The following ZNF516 variants were observed in gnomAD, a reference collection of about 807,000 sequenced individuals.
ZNF516 encodes the protein zinc finger protein 516.
In ZNF516, 19 loss-of-function variants were observed where a neutral mutation model predicts 79.7. The observed-to-expected ratio is 0.24, with a 90% CI of 0.17 to 0.35. ZNF516 has a LOEUF of 0.35. Among genes scored for constraint, ZNF516 ranks in the 10% least tolerant of loss-of-function variants. The probability of loss-of-function intolerance (pLI) is 1.00; values close to 1 mark genes in which losing one functional copy is unlikely to be tolerated. For synonymous variants in ZNF516, 877 were observed against 739.5 expected, an observed-to-expected ratio of 1.19 and a Z score of -3.02; for missense variants, 1,678 against 1,679.5, an observed-to-expected ratio of 1.00 and a Z score of 0.02.
At chr18:76,494,565 AAAC>A (rs2145853713) in intron 1 of ZNF516, among the ~76,000 whole-genome samples, 1 of 150,082 alleles carries the variant, frequency 6.7e-6, no homozygotes, top group African/African-American at 2.5e-5. Context: ...GGGCCGTAAA[AAAC>A]AAGGCCACCC....
rs1176065545 is a variant in ZNF516 at position 76,359,772 on chromosome 18, G to A, written c.*2726C>T. The A allele has an allele frequency of 1.3e-5, 2 of 152,134 alleles. No individual in the cohort carries two copies. The highest frequency in any genetic ancestry group is 2.4e-5 in the African/African-American group (1 of 41,438). 9.4% of individuals were successfully genotyped at this position (152,134 alleles called of 1,614,324 possible). A position where few individuals can be genotyped will look rare whatever the true frequency, so the allele number is the denominator to read the frequency against. On this transcript the variant is annotated 3_prime_UTR_variant, in exon 7 of 7. Transcript: ENST00000443185. ...AGCAGATCGGGAGAGGTAGTAGAAA[G>A]TCTGTAACAGTCAGAAGACAACGTA...
intron 1 of ZNF516, among the ~76,000 whole-genome samples, chr18:76,482,432 T>G (rs548362688): frequency 1.3e-5 from 2 of 152,370 alleles, no homozygotes; most frequent in East Asian, 3.9e-4. Flanking sequence ...AGCAGTGAGC[T>G]GCTCCCTCCA....
chr18:76,369,782 A>T (rs1311087739), intron 6 of ZNF516, among the ~76,000 whole-genome samples: 1 of 152,220 alleles, frequency 6.6e-6, no homozygotes, highest in East Asian at 1.9e-4. Flanking sequence ...CTTTGGAGAA[A>T]GCCAGAATGT....
intron 2 of ZNF516, among the ~76,000 whole-genome samples, chr18:76,448,804 A>C (rs1912222041): frequency 6.6e-6 from 1 of 152,068 alleles, no homozygotes; most frequent in Non-Finnish European, 1.5e-5. Flanking sequence ...CAAAAAAAGC[A>C]CCCGGCTTCA....
chr18:76,418,425 TCA>T (rs572667556), intron 3 of ZNF516, among the ~76,000 whole-genome samples: 61 of 152,140 alleles, frequency 4.0e-4, no homozygotes, highest in African/African-American at 1.4e-3. Context: ...TAACATGCTG[TCA>T]CACACTAACA....
intron 3 of ZNF516, chr18:76,387,330 T>A (rs896278949): frequency 6.6e-6 from 1 of 152,236 alleles, no homozygotes; most frequent in African/African-American, 2.4e-5. Context: ...TACACCCGCT[T>A]TGCTTTTCCA....
At chr18:76,412,733 T>C (rs1252913038) in intron 3 of ZNF516, among the ~76,000 whole-genome samples, 1 of 152,246 alleles carries the variant, frequency 6.6e-6, no homozygotes, top group African/African-American at 2.4e-5. Flanking sequence ...AGGCAGCTCC[T>C]GGACTCTTTT....
chr18:76,360,641 AAAAAAATATAT>A lies in ZNF516; in HGVS notation c.*1846_*1856del, dbSNP rs2074517177. The stretch of plus-strand genomic sequence containing the variant: ...ATCAGAAAAAAATAAGTAAAAAAAA[AAAAAAATATAT>A]ATATATATATATATATATATATATA... On this transcript the variant is annotated 3_prime_UTR_variant, in exon 7 of 7. Transcript: ENST00000443185. The A allele has an allele frequency of 8.8e-6, 1 of 113,668 alleles. No individual in the cohort carries two copies. The highest frequency in any genetic ancestry group is 1.9e-5 in the Non-Finnish European group (1 of 52,852). The allele number at this position is 113,668 out of a possible 1,614,324, so 7.0% of individuals were successfully genotyped here. A position where few individuals can be genotyped will look rare whatever the true frequency, so the allele number is the denominator to read the frequency against.
intron 2 of ZNF516, among the ~76,000 whole-genome samples, chr18:76,458,541 T>A (rs1912872285): frequency 6.6e-6 from 1 of 152,210 alleles, no homozygotes. Context: ...GGGAATCCCG[T>A]CCCTGAGAGG....
intron 1 of ZNF516, among the ~76,000 whole-genome samples, chr18:76,480,214 C>A (rs1914428171): frequency 1.4e-5 from 2 of 147,810 alleles, no homozygotes; most frequent in Admixed American, 1.3e-4. Context: ...TAATTCTTGT[C>A]ATCTACACGT....
At position 76,379,676 on chromosome 18, in the gene ZNF516, C is replaced by T. The variant is rs753489442; in HGVS notation, c.2438G>A (p.Ser813Asn). The change falls in exon 4 of 7, where the codon AGC becomes AAC. Residue 813 changes from serine (S) to asparagine (N), a missense_variant. This residue lies in a region of ZNF516 where 1,294 missense variants were observed against 1,248.3 expected (regional missense o/e 1.04). Transcript: ENST00000443185. ...IRSNLVFLSR[S>N]GRTGPPPALG... ...GGCAGGCGGGGGGCCCGTGCGTCCG[C>T]TCCGGGAAAGGAAAACCAAATTGCT... 1 of 1,613,666 alleles carries T rather than the reference C, an allele frequency of 6.2e-7. No homozygotes were observed. The highest frequency in any genetic ancestry group is 1.1e-5 in the South Asian group (1 of 91,088).
intron 1 of ZNF516, among the ~76,000 whole-genome samples, chr18:76,491,426 C>T (rs1915199561): frequency 7.0e-6 from 1 of 143,270 alleles, no homozygotes; most frequent in African/African-American, 2.5e-5. Flanking sequence ...CGCCCGCCCC[C>T]GCCCCCCGGC....
rs2074523980 is a variant in ZNF516 at position 76,360,754 on chromosome 18, A to G, written c.*1744T>C. 6.9e-6 allele frequency: 1 copy of G among 145,528 alleles called. No individual in the cohort carries two copies. The highest frequency in any genetic ancestry group is 2.1e-4 in the South Asian group (1 of 4,702). The allele number at this position is 145,528 out of a possible 1,614,324, so 9.0% of individuals were successfully genotyped here. On this transcript the variant is annotated 3_prime_UTR_variant, in exon 7 of 7. Transcript: ENST00000443185. ...ACCGTCAAGTAATTTAAACTCAGTA[A>G]CAAGTAGAATCCAGAACCAAACATT... is the stretch of plus-strand genomic sequence containing the variant.
In ZNF516 at chr18:76,361,855, A is replaced by G. The variant is rs1453696376; in HGVS notation, c.*643T>C. ...GAACAGGCACACGGCCCCAGGGAGG[A>G]GTGCGATGGAGCCAGTGAACAATGA... is the stretch of plus-strand genomic sequence containing the variant. On this transcript the variant is annotated 3_prime_UTR_variant, in exon 7 of 7. Coordinates refer to ENST00000443185, the MANE Select transcript of ZNF516 (RefSeq NM_014643.4). 1 of 152,204 alleles carries G rather than the reference A, an allele frequency of 6.6e-6. No individual in the cohort carries two copies. 9.4% of individuals were successfully genotyped at this position (152,204 alleles called of 1,614,324 possible).
At chr18:76,377,595 G>A (rs1414947289) in intron 4 of ZNF516, among the ~76,000 whole-genome samples, 1 of 152,360 alleles carries the variant, frequency 6.6e-6, no homozygotes, top group African/African-American at 2.4e-5. Flanking sequence ...GCTGTCTGCT[G>A]ATATCTCCCA....
rs1188756895 is a variant in ZNF516 at position 76,360,866 on chromosome 18, A to AG, written c.*1631dup. 2 of 150,468 alleles carry AG rather than the reference A, an allele frequency of 1.3e-5. No homozygotes were observed. Among genetic ancestry groups the AG allele is most frequent in the Non-Finnish European group, 3.0e-5 (2 of 67,678 alleles). 9.3% of individuals were successfully genotyped at this position (150,468 alleles called of 1,614,324 possible). ...CATTAGAACAGGAAACCCACACTTT[A>AG]GGGTGTGTGTGTGTGTTTGTGTGTG... On this transcript the variant is annotated 3_prime_UTR_variant, in exon 7 of 7. Transcript: ENST00000443185.
chr18:76,483,459 C>T (rs1568329712), intron 1 of ZNF516, among the ~76,000 whole-genome samples: 1 of 152,334 alleles, frequency 6.6e-6, no homozygotes, highest in Admixed American at 6.5e-5. Context: ...AGCTCCCTCT[C>T]GGCATCTGTC....
rs1568322712 is a variant in ZNF516 at position 76,473,905 on chromosome 18, G to GGA, written c.-271-10765_-271-10764insTC. 8.4e-4 allele frequency among the ~76,000 whole-genome samples: 7 copies of GGA among 8,290 alleles called. 2 individuals are homozygous for GGA. The Admixed American group carries it at 9.5e-3, about 11-fold the overall frequency. 5.4% of individuals were successfully genotyped at this position (8,290 alleles called of 152,430 possible). ...CTGGGTTGTTGGTTGTTTTTGTGTG[G>GGA]GGGGGGGGGGGGCTTTCTTTTTGAG... On this transcript the variant is annotated intron_variant, in intron 1 of 6. Transcript: ENST00000443185.
intron 2 of ZNF516, among the ~76,000 whole-genome samples, chr18:76,447,678 C>T (rs1482559968): frequency 1.3e-5 from 2 of 152,210 alleles, no homozygotes; most frequent in East Asian, 1.9e-4. Context: ...CCACGCACCT[C>T]GGACGGCAGG....
Sources: gnomAD v4.1 joint callset for allele counts (sites outside exome capture counted in the v4.1 genomes callset) on GRCh38, gnomAD v4.1.1 for gene constraint, gnomAD v4.1.1 regional missense constraint, MANE v1.5 for transcripts, NCBI Gene and HGNC (gene_info 2026-07-23, HGNC 2026-07-21) for gene names.